SCFD2: variants seen among roughly 807,000 people sequenced by gnomAD.
SCFD2 encodes sec1 family domain containing 2.
SCFD2 carries 54 observed loss-of-function variants against 58.9 expected under a neutral mutation model. That is an observed-to-expected ratio of 0.92 (90% CI 0.74 to 1.15). The LOEUF (loss-of-function observed/expected upper bound fraction) is 1.15, where lower values mean the gene tolerates loss of function less well. SCFD2 is among the 50% of genes most tolerant of loss of function. The pLI is 0.00. For missense variants in SCFD2, 805 were observed against 836.6 expected (o/e 0.96, Z 0.47); for synonymous variants, 321 against 335.9 (o/e 0.96, Z 0.49).
intron 5 of SCFD2, among the ~76,000 whole-genome samples, chr4:52,986,659 C>A (rs987777843): frequency 1.3e-5 from 2 of 151,868 alleles, no homozygotes; most frequent in South Asian, 4.2e-4. Context: ...CCACCACGCT[C>A]GGCTAAAATT....
chr4:52,962,163 A>G (rs1239020237), intron 5 of SCFD2, among the ~76,000 whole-genome samples: 1 of 152,188 alleles, frequency 6.6e-6, no homozygotes, highest in African/African-American at 2.4e-5. Context: ...CTCCCTGCAT[A>G]TGGGTTGGAC....
In SCFD2 at chr4:52,873,990, C is replaced by A; in HGVS notation, c.2034G>T (p.Leu678=). 1 of 1,613,720 alleles carries A rather than the reference C, an allele frequency of 6.2e-7. No individual in the cohort carries two copies. Among genetic ancestry groups the A allele is most frequent in the East Asian group, 2.2e-5 (1 of 44,880 alleles). ...ATGCTCAGAAGCCAAGGTCTGGATG[C>A]AGTCGGTCAGTTGCAAATAACAGCT... ...IPELLFATDR[L]HPDLGF Residue 678 remains leucine, a synonymous_variant, in exon 9 of 9, where the codon CTG becomes CTT. Coordinates refer to ENST00000401642, the MANE Select transcript of SCFD2 (RefSeq NM_152540.4).
At chr4:53,241,308 C>T (rs934021490) in intron 4 of SCFD2, among the ~76,000 whole-genome samples, 4 of 152,166 alleles carry the variant, frequency 2.6e-5, no homozygotes, top group African/African-American at 7.2e-5. Flanking sequence ...TACCCATCCC[C>T]TAGGCTCAAC....
At chr4:53,080,234 C>T (rs1263123010) in intron 5 of SCFD2, among the ~76,000 whole-genome samples, 3 of 152,112 alleles carry the variant, frequency 2.0e-5, no homozygotes, top group Non-Finnish European at 2.9e-5. Flanking sequence ...ACCAGGATCA[C>T]TCTGTGTTTA....
intron 8 of SCFD2, 45 bp from the exon 9 acceptor site, chr4:52,874,106 C>G (rs1453708782): frequency 4.8e-6 from 6 of 1,252,828 alleles, no homozygotes; most frequent in Non-Finnish European, 7.0e-6. Context: ...ATTAGGGGGG[C>G]CAATCTCAGG....
At chr4:53,299,297 T>A (rs549681437) in intron 3 of SCFD2, among the ~76,000 whole-genome samples, 1 of 152,302 alleles carries the variant, frequency 6.6e-6, no homozygotes, top group Admixed American at 6.5e-5. Context: ...ACGTGATGAA[T>A]GCAAAAGCCT....
intron 5 of SCFD2, among the ~76,000 whole-genome samples, chr4:53,062,484 A>G (rs2148841664): frequency 6.6e-6 from 1 of 152,314 alleles, no homozygotes; most frequent in South Asian, 2.1e-4. Context: ...CAGTTGATTT[A>G]GAAATTTTCC....
At chr4:53,195,558 C>T (rs1728034445) in intron 4 of SCFD2, among the ~76,000 whole-genome samples, 1 of 152,110 alleles carries the variant, frequency 6.6e-6, no homozygotes, top group Non-Finnish European at 1.5e-5. Flanking sequence ...TTCACCATGC[C>T]ACTTCTCATA....
chr4:52,916,520 G>A (rs1218707390), intron 6 of SCFD2, among the ~76,000 whole-genome samples: 1 of 152,238 alleles, frequency 6.6e-6, no homozygotes, highest in Non-Finnish European at 1.5e-5. Flanking sequence ...GTTGCAGTGA[G>A]CCGAGATTGC....
chr4:53,145,995 A>T (rs1726319900), intron 4 of SCFD2, among the ~76,000 whole-genome samples: 1 of 152,226 alleles, frequency 6.6e-6, no homozygotes, highest in Admixed American at 6.5e-5. Flanking sequence ...ACTTCAGAGG[A>T]ATCACCTCGG....
chr4:53,099,179 T>C lies in SCFD2; in HGVS notation c.1561+46154A>G, dbSNP rs113761127. On this transcript the variant is annotated intron_variant, in intron 5 of 8. Coordinates refer to ENST00000401642, the MANE Select transcript of SCFD2 (RefSeq NM_152540.4). ...ACCACCACCATTCATATTAGAAATA[T>C]ACAAACAGTAAACAATGACAAGTCT... 1.9e-3 allele frequency among the ~76,000 whole-genome samples: 283 copies of C among 152,314 alleles called. 1 individual carries two copies. Among genetic ancestry groups the C allele is most frequent in the African/African-American group, 6.5e-3 (272 of 41,576 alleles).
At chr4:53,293,249 A>G (rs1205669291) in intron 3 of SCFD2, among the ~76,000 whole-genome samples, 2 of 152,116 alleles carry the variant, frequency 1.3e-5, no homozygotes, top group Admixed American at 1.3e-4. Flanking sequence ...TGGGAGCAGA[A>G]CAATGAGAAC....
chr4:53,297,545 T>C (rs1247918608), intron 3 of SCFD2, among the ~76,000 whole-genome samples: 6 of 152,162 alleles, frequency 3.9e-5, no homozygotes, highest in African/African-American at 1.4e-4. Flanking sequence ...AGCCTATGTG[T>C]GTCCTTGCAT....
At chr4:53,237,013 T>C (rs1037019493) in intron 4 of SCFD2, among the ~76,000 whole-genome samples, 2 of 150,076 alleles carry the variant, frequency 1.3e-5, no homozygotes, top group African/African-American at 4.9e-5. Context: ...TGTCCCTGGG[T>C]ACTTGAGATT....
At chr4:53,255,160 T>G (rs1475234925) in intron 4 of SCFD2, among the ~76,000 whole-genome samples, 3 of 151,270 alleles carry the variant, frequency 2.0e-5, no homozygotes, top group Non-Finnish European at 2.9e-5. Context: ...TGTGAGCCAC[T>G]GCACCCAGCA....
At chr4:52,906,032 A>T (rs964165586) in intron 7 of SCFD2, among the ~76,000 whole-genome samples, 1 of 152,212 alleles carries the variant, frequency 6.6e-6, no homozygotes, top group East Asian at 1.9e-4. Flanking sequence ...TCTGGAACAT[A>T]TTTGATCAAA....
At chr4:52,943,712 T>C (rs956802651) in intron 5 of SCFD2, among the ~76,000 whole-genome samples, 1 of 152,134 alleles carries the variant, frequency 6.6e-6, no homozygotes, top group Admixed American at 6.6e-5. Flanking sequence ...TACTATCTTA[T>C]TGGCAACACT....
chr4:53,236,726 TTATATTGCTTTAAAAA>T, intron 4 of SCFD2, among the ~76,000 whole-genome samples: 1 of 150,914 alleles, frequency 6.6e-6, no homozygotes, highest in South Asian at 2.1e-4. Context: ...ATTTATATAT[TTATATTGCTTTAAAAA>T]TAATAATTAC....
intron 5 of SCFD2, among the ~76,000 whole-genome samples, chr4:52,980,450 T>G (rs528105502): frequency 6.6e-6 from 1 of 152,308 alleles, no homozygotes; most frequent in Admixed American, 6.5e-5. Flanking sequence ...GGCTGAAACC[T>G]CATCAGCTGT....
Sources: allele counts gnomAD v4.1 joint callset (sites outside exome capture counted in the v4.1 genomes callset), GRCh38; gene constraint gnomAD v4.1.1; transcripts MANE v1.5; gene names NCBI Gene and HGNC (gene_info 2026-07-23, HGNC 2026-07-21).